Variants in MTMR3 observed in about 807,000 individuals in gnomAD.
The protein encoded by MTMR3 is phosphatidylinositol-3,5-bisphosphate 3-phosphatase MTMR3.
In MTMR3, 32 loss-of-function variants were observed where a neutral mutation model predicts 132.4. The ratio of observed to expected loss-of-function variants is 0.24; its 90% CI spans 0.18 to 0.32. The LOEUF is 0.32. Ranked by LOEUF, MTMR3 falls within the 10% of genes least tolerant of loss-of-function variation. The pLI is 1.00. For missense variants in MTMR3, 1,216 were observed against 1,489.6 expected, an observed-to-expected ratio of 0.82 and a Z score of 3.02; for synonymous variants, 556 against 550.3, an observed-to-expected ratio of 1.01 and a Z score of -0.14.
At chr22:29,908,987 T>TTTTCTTTTCTTTTCTTTTCTTTTCTTTTC (rs1191663863) in intron 1 of MTMR3, among the ~76,000 whole-genome samples, 25 of 150,964 alleles carry the variant, frequency 1.7e-4, no homozygotes, top group African/African-American at 5.9e-4. Flanking sequence ...CTTTTCTTTT[T>TTTTCTTTTCTTTTCTTTTCTTTTCTTTTC]TTTTTTTTGA....
At position 30,006,121 on chromosome 22, in the gene MTMR3, C is replaced by T. The variant is rs140028693; in HGVS notation, c.672-993C>T. On this transcript the variant is annotated intron_variant, in intron 9 of 19. Transcript: ENST00000401950. Reference sequence around the variant, plus strand: ...TCCTAGCCTGTATCAGAACTTTATTCCTCTTTACTGCCAAGTAATAGAATT... The same window carrying T: ...TCCTAGCCTGTATCAGAACTTTATTTCTCTTTACTGCCAAGTAATAGAATT... 4.6e-5 allele frequency: 7 copies of T among 152,312 alleles called. No individual in the cohort carries two copies. The East Asian group carries it at 9.6e-4, about 21-fold the overall frequency. The allele number at this position is 152,312 out of a possible 1,614,324, so 9.4% of individuals were successfully genotyped here.
intron 15 of MTMR3, chr22:30,016,915 G>T: frequency 1.8e-6 from 1 of 546,790 alleles, no homozygotes; most frequent in Non-Finnish European, 3.1e-6. Flanking sequence ...AGGGTGGTTT[G>T]GTTTAACACA....
At chr22:29,899,085 T>G (rs2064957832) in intron 1 of MTMR3, among the ~76,000 whole-genome samples, 1 of 152,208 alleles carries the variant, frequency 6.6e-6, no homozygotes, top group Non-Finnish European at 1.5e-5. Flanking sequence ...GAGACTTTCT[T>G]GAATTACTTA....
chr22:29,972,587 T>G (rs1371486294), intron 3 of MTMR3, among the ~76,000 whole-genome samples: 2 of 152,374 alleles, frequency 1.3e-5, no homozygotes, highest in East Asian at 3.9e-4. Flanking sequence ...TTCTTTTTTC[T>G]TGAGACAGAG....
At chr22:29,959,441 C>T (rs182960173) in intron 2 of MTMR3, among the ~76,000 whole-genome samples, 17 of 152,160 alleles carry the variant, frequency 1.1e-4, no homozygotes, top group Admixed American at 3.3e-4. Flanking sequence ...TGTGGTGGCG[C>T]GACCTCAGCT....
intron 6 of MTMR3, 105 bp from the exon 7 acceptor site, chr22:29,991,399 A>T: frequency 8.8e-7 from 1 of 1,131,886 alleles, no homozygotes; most frequent in Non-Finnish European, 1.2e-6. Context: ...TCTTGGTTGT[A>T]GTTCCCACTT....
intron 1 of MTMR3, among the ~76,000 whole-genome samples, chr22:29,928,328 C>T (rs1357990373): frequency 5.9e-5 from 9 of 151,972 alleles, no homozygotes; most frequent in East Asian, 1.9e-4. Context: ...CCTGCCACCA[C>T]GTCCAGATAA....
chr22:30,008,842 C>A, intron 11 of MTMR3, 176 bp from the exon 12 acceptor site: 1 of 468,984 alleles, frequency 2.1e-6, no homozygotes, highest in Non-Finnish European at 3.8e-6. Flanking sequence ...AGCTAAAATT[C>A]AGTGTGTTCC....
intron 2 of MTMR3, among the ~76,000 whole-genome samples, chr22:29,962,779 G>A (rs2066336946): frequency 1.3e-5 from 2 of 151,926 alleles, no homozygotes; most frequent in African/African-American, 4.8e-5. Context: ...TTCCTGTTCT[G>A]GACATTTCAT....
chr22:29,909,197 C>G (rs765496764), intron 1 of MTMR3, among the ~76,000 whole-genome samples: 4 of 152,092 alleles, frequency 2.6e-5, no homozygotes, highest in Non-Finnish European at 5.9e-5. Context: ...CCTGGGCTTA[C>G]TGTGCCTGGC....
rs1043291508 is a variant in MTMR3, at chr22:29,924,419, A to G, written c.-137-32617A>G. On this transcript the variant is annotated intron_variant, in intron 1 of 19. Coordinates refer to ENST00000401950, the MANE Select transcript of MTMR3 (RefSeq NM_021090.4). ...GCTGTCTGCTTTATTCTGTTGGCCT[A>G]TATGTCTATTTTTATGCCAGTTTCC... Among the ~76,000 whole-genome samples, 3 of 152,216 alleles carry G rather than the reference A, an allele frequency of 2.0e-5. No homozygotes were observed. The East Asian group carries it at 5.8e-4, about 29-fold the overall frequency.
chr22:29,965,339 T>C (rs184007643), intron 2 of MTMR3, among the ~76,000 whole-genome samples: 109 of 152,236 alleles, frequency 7.2e-4, no homozygotes, highest in African/African-American at 2.6e-3. Flanking sequence ...GTGAAGACTA[T>C]GTTTAAATTG....
At chr22:30,001,349 C>CCT (rs1569043736) in intron 8 of MTMR3, 1 of 152,598 alleles carries the variant, frequency 6.6e-6, no homozygotes, top group Non-Finnish European at 1.5e-5. Flanking sequence ...CGAGATCATG[C>CCT]CACTGCATTC....
chr22:29,999,791 C>G (rs1041294470), intron 8 of MTMR3: 4 of 152,066 alleles, frequency 2.6e-5, no homozygotes, highest in African/African-American at 9.7e-5. Flanking sequence ...CAAGGCAGAT[C>G]AGCTGAGGTC....
chr22:29,883,524 G>A (rs1215872805), intron 1 of MTMR3, among the ~76,000 whole-genome samples, 165 bp downstream of exon 1: 1 of 152,104 alleles, frequency 6.6e-6, no homozygotes, highest in Non-Finnish European at 1.5e-5. Context: ...GGCGTCCCCG[G>A]CGGCTGTCGC....
At chr22:29,942,139 G>T (rs899444724) in intron 1 of MTMR3, among the ~76,000 whole-genome samples, 16 of 152,054 alleles carry the variant, frequency 1.1e-4, no homozygotes, top group African/African-American at 3.4e-4. Context: ...TTTTCCCTAA[G>T]TGTCAGCCAG....
chr22:29,986,584 G>T (rs979464225), intron 5 of MTMR3: 2 of 984,642 alleles, frequency 2.0e-6, no homozygotes, highest in Non-Finnish European at 2.4e-6. Context: ...GCACCTTGGG[G>T]TTAAGGACGT....
intron 1 of MTMR3, among the ~76,000 whole-genome samples, chr22:29,945,828 T>A (rs1402248882): frequency 2.0e-5 from 3 of 151,712 alleles, no homozygotes; most frequent in African/African-American, 7.3e-5. Flanking sequence ...TTAAAAAAAA[T>A]TTATGGATGA....
At chr22:29,925,583 G>A (rs941897371) in intron 1 of MTMR3, among the ~76,000 whole-genome samples, 32 of 149,750 alleles carry the variant, frequency 2.1e-4, no homozygotes, top group African/African-American at 6.7e-4. Flanking sequence ...CAGCTTTGTT[G>A]AGCTGTAATT....
Sources: allele counts gnomAD v4.1 joint callset (sites outside exome capture counted in the v4.1 genomes callset), GRCh38; gene constraint gnomAD v4.1.1; transcripts MANE v1.5; gene names NCBI Gene and HGNC (gene_info 2026-07-23, HGNC 2026-07-21).